The following LRFN2 variants were observed in gnomAD, a reference collection of about 807,000 sequenced individuals.
LRFN2 encodes leucine rich repeat and fibronectin type III domain containing 2.
LRFN2 carries 18 observed loss-of-function variants against 37.3 expected under a neutral mutation model. The ratio of observed to expected loss-of-function variants is 0.48; its 90% CI spans 0.33 to 0.72. The LOEUF is 0.72. LRFN2 is among the 30% of genes least tolerant of loss of function. The pLI is 0.02. For missense variants in LRFN2, 1,006 were observed against 1,060.7 expected (o/e 0.95, Z 0.72); for synonymous variants, 556 against 466.6 (o/e 1.19, Z -2.47).
intron 1 of LRFN2, among the ~76,000 whole-genome samples, chr6:40,471,894 G>A (rs1487383739): frequency 6.6e-6 from 1 of 152,136 alleles, no homozygotes; most frequent in African/African-American, 2.4e-5. Flanking sequence ...CCTTGAGAGG[G>A]TGCCTGAGTG....
rs1247184865 is a variant in LRFN2, at chr6:40,392,619, G to A, written c.1694C>T (p.Pro565Leu). ...VRYKVCNHEA[P>L]SKMAAAVSNV... The stretch of plus-strand genomic sequence containing the variant: ...GCTCACGGCCGCTGCCATCTTGCTG[G>A]GGGCCTCGTGGTTGCAGACCTTGTA... The change falls in exon 3 of 3, where the codon CCC (proline) becomes CTC (leucine). Residue 565 changes from proline to leucine, a missense_variant. Pro to Leu is a moderately conservative substitution (Grantham distance 98, BLOSUM62 -3). This residue lies in a region of LRFN2 where 398 missense variants were observed against 327.6 expected (regional missense o/e 1.21). Transcript: ENST00000338305. This position sits in a 1 kb window ranked among gnomAD's most constrained non-coding sequence, Gnocchi z 4.7. The A allele has an allele frequency of 6.2e-6, 10 of 1,610,742 alleles. No homozygotes were observed. The highest frequency in any genetic ancestry group is 1.7e-5 in the Admixed American group (1 of 60,008).
intron 1 of LRFN2, 35 bp downstream of exon 1, chr6:40,586,906 G>A (rs535782669): frequency 1.3e-5 from 2 of 152,264 alleles, no homozygotes; most frequent in Non-Finnish European, 2.9e-5. Context: ...GCGGACACCC[G>A]GGATCGCAAA....
chr6:40,442,323 A>G (rs1017501351), intron 1 of LRFN2, among the ~76,000 whole-genome samples: 3 of 152,206 alleles, frequency 2.0e-5, no homozygotes, highest in African/African-American at 7.2e-5. Context: ...GGCAAAAATT[A>G]AAATAGGCTT....
At chr6:40,534,415 C>A (rs75615939) in intron 1 of LRFN2, among the ~76,000 whole-genome samples, 1 of 151,994 alleles carries the variant, frequency 6.6e-6, no homozygotes. Flanking sequence ...CCACTCCCCC[C>A]AACTGCTGAT....
chr6:40,544,586 G>C (rs562385415), intron 1 of LRFN2, among the ~76,000 whole-genome samples: 1 of 152,308 alleles, frequency 6.6e-6, no homozygotes, highest in South Asian at 2.1e-4. Context: ...GTCTGATCTG[G>C]AAAGGTCTAT....
At chr6:40,510,356 C>T (rs1765671418) in intron 1 of LRFN2, among the ~76,000 whole-genome samples, 3 of 152,156 alleles carry the variant, frequency 2.0e-5, no homozygotes, top group African/African-American at 7.2e-5. Context: ...TAGCATCAAG[C>T]CAGGTAAGGC....
chr6:40,519,972 G>C (rs1444823665), intron 1 of LRFN2, among the ~76,000 whole-genome samples: 2 of 152,158 alleles, frequency 1.3e-5, no homozygotes, highest in Admixed American at 1.3e-4. Flanking sequence ...TCAGGCAGAG[G>C]GAACAGCATA....
At chr6:40,547,302 A>G (rs1197557673) in intron 1 of LRFN2, among the ~76,000 whole-genome samples, 3 of 152,006 alleles carry the variant, frequency 2.0e-5, no homozygotes, top group Non-Finnish European at 2.9e-5. Flanking sequence ...ACAGAGTTTC[A>G]CCATGTTGGC....
chr6:40,479,339 C>T (rs1764775455), intron 1 of LRFN2, among the ~76,000 whole-genome samples: 3 of 152,346 alleles, frequency 2.0e-5, no homozygotes, highest in African/African-American at 7.2e-5. Context: ...GGGCTTCCCA[C>T]TCCTGAGCTG....
chr6:40,523,482 G>A (rs1388532735), intron 1 of LRFN2, among the ~76,000 whole-genome samples: 1 of 148,178 alleles, frequency 6.7e-6, no homozygotes, highest in African/African-American at 2.5e-5. Context: ...TAGTGCTTTA[G>A]GACCCTAAAG....
chr6:40,432,407 G>C lies in LRFN2; in HGVS notation c.707C>G (p.Ser236Cys). 6.2e-7 allele frequency: 1 copy of C among 1,614,134 alleles called. No individual in the cohort carries two copies. The highest frequency in any genetic ancestry group is 1.3e-5 in the African/African-American group (1 of 75,060). Residue 236 changes from serine to cysteine, a missense_variant, in exon 2 of 3, where the codon TCC becomes TGC. Ser to Cys is a moderately radical substitution (Grantham distance 112, BLOSUM62 -1). Around this residue, in one of 4 missense-constraint regions of LRFN2, gnomAD observed 303 missense variants for 299.8 expected, o/e 1.01. Coordinates refer to ENST00000338305, the MANE Select transcript of LRFN2 (RefSeq NM_020737.3). ...LTATPFAPPL[S>C]FSFGGNPLHC... is the part of the protein sequence containing the mutation. The stretch of plus-strand genomic sequence containing the variant: ...AAGTGGGTTACCCCCAAAACTAAAG[G>C]ACAAGGGTGGGGCAAAGGGTGTGGC...
intron 1 of LRFN2, among the ~76,000 whole-genome samples, chr6:40,439,469 G>A (rs1763778803): frequency 6.6e-6 from 1 of 152,226 alleles, no homozygotes; most frequent in South Asian, 2.1e-4. Context: ...GGTGGGGAAA[G>A]GAAACTTGAG....
intron 1 of LRFN2, among the ~76,000 whole-genome samples, chr6:40,476,244 A>G (rs566903427): frequency 1.1e-4 from 16 of 152,300 alleles, no homozygotes; most frequent in African/African-American, 3.6e-4. Flanking sequence ...CATTTATTGA[A>G]GTTATCTGGG....
chr6:40,421,301 G>C (rs1763223844), intron 2 of LRFN2, among the ~76,000 whole-genome samples: 1 of 152,186 alleles, frequency 6.6e-6, no homozygotes, highest in African/African-American at 2.4e-5. Flanking sequence ...CCAAGGTTAA[G>C]GACATGCCCA....
Position 40,536,891 on chromosome 6 carries a change from C to T in LRFN2, c.-19+50050G>A, listed in dbSNP as rs374827754. 8.2e-4 allele frequency among the ~76,000 whole-genome samples: 125 copies of T among 152,336 alleles called. 1 individual carries two copies. The South Asian group carries it at 0.025, about 31-fold the overall frequency. On this transcript the variant is annotated intron_variant, in intron 1 of 2. Transcript: ENST00000338305. ...AGTCACCACTCTTCATCTAAAGGTG[C>T]CATTTGTCAAGTGCTTTCCATGTAC...
At chr6:40,534,656 GGAT>G (rs1368730541) in intron 1 of LRFN2, among the ~76,000 whole-genome samples, 2 of 152,122 alleles carry the variant, frequency 1.3e-5, no homozygotes, top group Non-Finnish European at 2.9e-5. Context: ...AGTGAGCTCA[GGAT>G]GGTGCCTGAC....
At position 40,447,518 on chromosome 6, in the gene LRFN2, C is replaced by T. The variant is rs571863127; in HGVS notation, c.-18-14387G>A. On this transcript the variant is annotated intron_variant, in intron 1 of 2. Transcript: ENST00000338305. ...AATCTTTAACAAGTTTGTTCCCAAA[C>T]CTTTATTTTTCTGTGAACTTCTCAG... Among the ~76,000 whole-genome samples the T allele has an allele frequency of 3.9e-5, 6 of 152,250 alleles. 1 individual carries two copies. Among genetic ancestry groups the T allele is most frequent in the African/African-American group, 1.4e-4 (6 of 41,560 alleles).
intron 1 of LRFN2, among the ~76,000 whole-genome samples, chr6:40,556,616 A>T (rs766912763): frequency 2.4e-4 from 37 of 151,660 alleles, no homozygotes; most frequent in Non-Finnish European, 5.2e-4. Flanking sequence ...AATGGCCACA[A>T]GGGCATATGG....
At chr6:40,489,088 G>C (rs990641138) in intron 1 of LRFN2, among the ~76,000 whole-genome samples, 3 of 152,090 alleles carry the variant, frequency 2.0e-5, no homozygotes, top group Non-Finnish European at 4.4e-5. Flanking sequence ...TCTCACACCT[G>C]TCTATACCAT....
Sources: allele counts gnomAD v4.1 joint callset (sites outside exome capture counted in the v4.1 genomes callset), GRCh38; gene constraint gnomAD v4.1.1; regional missense constraint gnomAD v4.1.1; non-coding constraint Gnocchi (gnomAD v3.1); transcripts MANE v1.5; gene names NCBI Gene and HGNC (gene_info 2026-07-23, HGNC 2026-07-21).